The following PROM1 variants were observed in gnomAD, a reference collection of about 807,000 sequenced individuals.
The protein encoded by PROM1 is prominin-1.
A neutral mutation model predicts 116.9 loss-of-function variants in PROM1; 105 were observed. That is an observed-to-expected ratio of 0.90 (90% CI 0.77 to 1.06). PROM1 has a LOEUF of 1.06. Ranked by LOEUF, PROM1 falls within the 50% of genes least tolerant of loss-of-function variation. The pLI, the probability that PROM1 is intolerant of heterozygous loss-of-function variation, is 0.00. For missense variants in PROM1, 1,122 were observed against 1,045.2 expected, an observed-to-expected ratio of 1.07 and a Z score of -1.01; for synonymous variants, 393 against 387.0, an observed-to-expected ratio of 1.02 and a Z score of -0.18.
At chr4:15,984,643 G>T (rs1189101507) in intron 22 of PROM1, among the ~76,000 whole-genome samples, 2 of 152,138 alleles carry the variant, frequency 1.3e-5, no homozygotes, top group African/African-American at 4.8e-5. Context: ...TCCACCTCCT[G>T]TCAGAGCAGC....
At chr4:16,007,155 G>A (rs969944239) in intron 12 of PROM1, among the ~76,000 whole-genome samples, 1 of 152,156 alleles carries the variant, frequency 6.6e-6, no homozygotes, top group African/African-American at 2.4e-5. Flanking sequence ...TTTTCCCTGG[G>A]CCTTTTTCTA....
At chr4:15,976,243 T>C (rs1450963157) in intron 26 of PROM1, 1 of 453,934 alleles carries the variant, frequency 2.2e-6, no homozygotes, top group Non-Finnish European at 4.4e-6. Flanking sequence ...AAGAGTGGCA[T>C]TTCTCAACAC....
At chr4:15,981,691 A>G (rs1005372086) in intron 23 of PROM1, among the ~76,000 whole-genome samples, 1 of 152,190 alleles carries the variant, frequency 6.6e-6, no homozygotes, top group Non-Finnish European at 1.5e-5. Context: ...GTTAGAAACA[A>G]TGTTCACTGC....
intron 11 of PROM1, among the ~76,000 whole-genome samples, chr4:16,012,233 G>A (rs1578016189): frequency 6.6e-6 from 1 of 152,108 alleles, no homozygotes. Context: ...CTGACCTCAG[G>A]TGACCTACCC....
At chr4:16,014,474 G>T (rs1727769939) in intron 10 of PROM1, among the ~76,000 whole-genome samples, 1 of 152,174 alleles carries the variant, frequency 6.6e-6, no homozygotes, top group Non-Finnish European at 1.5e-5. Context: ...CAAAGACCAA[G>T]AAATTTGGAA....
intron 2 of PROM1, among the ~76,000 whole-genome samples, chr4:16,039,332 A>G (rs1054475689): frequency 6.6e-6 from 1 of 152,250 alleles, no homozygotes; most frequent in Non-Finnish European, 1.5e-5. Flanking sequence ...AATTTTGCTG[A>G]AATTGCTAAT....
At chr4:16,018,161 T>C (rs1169727516) in intron 9 of PROM1, 162 bp downstream of exon 9, 2 of 644,580 alleles carry the variant, frequency 3.1e-6, no homozygotes, top group African/African-American at 1.8e-5. Flanking sequence ...GCTGTGGTCA[T>C]TCCAATATGG....
rs1578069589 is a variant in PROM1 at position 16,020,594 on chromosome 4, T to C, written c.785-2054A>G. Among the ~76,000 whole-genome samples, 3 of 152,350 alleles carry C rather than the reference T, an allele frequency of 2.0e-5. No homozygotes were observed. In the South Asian group the frequency reaches 6.2e-4, roughly 32 times the overall value. The stretch of plus-strand genomic sequence containing the variant: ...AAACACACTTCATGTTTTAATGTTC[T>C]GTGGTTTACTCCTCACGGCCCTTTT... On this transcript the variant is annotated intron_variant, in intron 8 of 27. Transcript: ENST00000447510.
At chr4:16,080,011 C>CAAAAAAAAAAAAAA (rs60504899) in intron 1 of PROM1, 5 of 65,904 alleles carry the variant, frequency 7.6e-5, no homozygotes, top group Non-Finnish European at 1.3e-4. Flanking sequence ...CCTGTCTCTA[C>CAAAAAAAAAAAAAA]AAAAAAAAAA....
chr4:16,071,749 C>G (rs950320375), intron 2 of PROM1, among the ~76,000 whole-genome samples: 1 of 152,160 alleles, frequency 6.6e-6, no homozygotes, highest in Non-Finnish European at 1.5e-5. Flanking sequence ...CTCCAGCACT[C>G]TGAGAAATAA....
chr4:16,007,409 G>A (rs76429611), intron 12 of PROM1, among the ~76,000 whole-genome samples: 484 of 152,352 alleles, frequency 3.2e-3, no homozygotes, highest in Non-Finnish European at 5.3e-3. Flanking sequence ...TTCAAGGGTA[G>A]TAATGCTTCC....
At chr4:16,050,975 CA>C (rs1737733866) in intron 2 of PROM1, among the ~76,000 whole-genome samples, 1 of 152,146 alleles carries the variant, frequency 6.6e-6, no homozygotes, top group South Asian at 2.1e-4. Context: ...ACTGGGAAGA[CA>C]GATAGTAAAC....
At chr4:16,018,034 G>T (rs543071814) in intron 9 of PROM1, among the ~76,000 whole-genome samples, 1 of 152,164 alleles carries the variant, frequency 6.6e-6, no homozygotes, top group African/African-American at 2.4e-5. Flanking sequence ...ATTCTTAAAG[G>T]TCTACATGAA....
chr4:15,972,390 C>T (rs977136142), intron 26 of PROM1, among the ~76,000 whole-genome samples: 2 of 152,174 alleles, frequency 1.3e-5, no homozygotes, highest in Admixed American at 6.5e-5. Flanking sequence ...CATGACGCAT[C>T]ATCCCATAAT....
chr4:16,071,019 T>C (rs1446691534), intron 2 of PROM1, among the ~76,000 whole-genome samples: 1 of 152,234 alleles, frequency 6.6e-6, no homozygotes, highest in Non-Finnish European at 1.5e-5. Flanking sequence ...GCCAAGATCA[T>C]TCAGCAGTTA....
rs77719615 is a variant in PROM1, at chr4:16,006,416, C to G, written c.1454+122G>C. ...CAGCAGGATCTCTCCTCCTCGCGAC[C>G]TGGGAGCTGGAACCCCGCGTACGTG... On this transcript the variant is annotated intron_variant, in intron 13 of 27. Transcript: ENST00000447510. 3.9e-3 allele frequency: 4,760 copies of G among 1,222,340 alleles called. 195 individuals are homozygous for G. In the East Asian group the frequency reaches 0.097, roughly 25 times the overall value. The allele number at this position is 1,222,340 out of a possible 1,614,324, so 75.7% of individuals were successfully genotyped here. A position where few individuals can be genotyped will look rare whatever the true frequency, so the allele number is the denominator to read the frequency against.
At chr4:16,044,215 GT>G (rs1273444576) in intron 2 of PROM1, among the ~76,000 whole-genome samples, 2 of 152,200 alleles carry the variant, frequency 1.3e-5, no homozygotes, top group Non-Finnish European at 2.9e-5. Flanking sequence ...AGATATTTCT[GT>G]TCCCAAACTG....
At chr4:16,006,890 AC>A (rs1281244675) in intron 12 of PROM1, among the ~76,000 whole-genome samples, 200 bp from the exon 13 acceptor site, 1 of 152,090 alleles carries the variant, frequency 6.6e-6, no homozygotes, top group East Asian at 1.9e-4. Flanking sequence ...CAGCGGAGAA[AC>A]TTTTATTTTG....
In PROM1 at chr4:15,979,640, GACT is replaced by G. The variant is rs1158243835; in HGVS notation, c.2514-180_2514-178del. On this transcript the variant is annotated intron_variant, in intron 25 of 27. Coordinates refer to ENST00000447510, the MANE Select transcript of PROM1 (RefSeq NM_006017.3). The stretch of plus-strand genomic sequence containing the variant: ...TCCTTTTAAACTTCAAAGACCAAAG[GACT>G]ACTTTATAGATTAATAAACTTAACA... Among the ~76,000 whole-genome samples the G allele has an allele frequency of 5.3e-5, 8 of 152,148 alleles. No homozygotes were observed. In the East Asian group the frequency reaches 1.5e-3, roughly 29 times the overall value.
Sources: allele counts gnomAD v4.1 joint callset (sites outside exome capture counted in the v4.1 genomes callset), GRCh38; gene constraint gnomAD v4.1.1; transcripts MANE v1.5; gene names NCBI Gene and HGNC (gene_info 2026-07-23, HGNC 2026-07-21).